Variants in RNF152 observed in about 807,000 individuals in gnomAD.
RNF152 encodes ring finger protein 152, also known as E3 ubiquitin-protein ligase RNF152.
In RNF152, 11 loss-of-function variants were observed where a neutral mutation model predicts 12.7. That is an observed-to-expected ratio of 0.86 (90% confidence interval 0.54 to 1.43). The LOEUF (loss-of-function observed/expected upper bound fraction) is 1.43. Ranked by LOEUF, RNF152 falls within the 40% of genes most tolerant of loss-of-function variation. RNF152 has a pLI of 0.00. For missense variants in RNF152, 255 were observed against 274.8 expected (o/e 0.93, Z 0.51); for synonymous variants, 113 against 120.3 (o/e 0.94, Z 0.40).
At chr18:61,848,335 A>G (rs1910826589) in intron 1 of RNF152, among the ~76,000 whole-genome samples, 1 of 152,150 alleles carries the variant, frequency 6.6e-6, no homozygotes, top group Non-Finnish European at 1.5e-5. Context: ...CAATTTTTCT[A>G]ACCATTAGTA....
upstream of RNF152, chr18:61,894,335 G>C (rs1018413921): frequency 6.6e-6 from 1 of 151,184 alleles, no homozygotes; most frequent in Non-Finnish European, 1.5e-5. This position sits in a 1 kb window ranked among gnomAD's most constrained non-coding sequence, Gnocchi z 4.9. Flanking sequence ...TGCAGCCCCA[G>C]CACCCGGCCC....
In RNF152 at chr18:61,815,686, C is replaced by CA. The variant is rs1354601638; in HGVS notation, c.*165dup. On this transcript the variant is annotated 3_prime_UTR_variant, in exon 2 of 2. Transcript: ENST00000312828. ...TTCACCTGGTATCTTGTTGAGACCG[C>CA]ACCTTCTGCCCTTTGTGTCTGTCTT... 1 of 673,752 alleles carries CA rather than the reference C, an allele frequency of 1.5e-6. No homozygotes were observed. Among genetic ancestry groups the CA allele is most frequent in the Non-Finnish European group, 2.5e-6 (1 of 397,012 alleles). 41.7% of individuals were successfully genotyped at this position (673,752 alleles called of 1,614,324 possible).
chr18:61,834,110 G>C (rs757823795), intron 1 of RNF152, among the ~76,000 whole-genome samples: 5 of 152,130 alleles, frequency 3.3e-5, no homozygotes, highest in Non-Finnish European at 5.9e-5. Flanking sequence ...TCTTATTTTT[G>C]TTACGTCCTG....
rs1909532448 is a variant in RNF152, at chr18:61,823,838, A to G, written c.-135-7240T>C. Among the ~76,000 whole-genome samples the G allele has an allele frequency of 2.0e-5, 3 of 152,200 alleles. No individual in the cohort carries two copies. The South Asian group carries it at 6.2e-4, about 32-fold the overall frequency. ...GCCCACTAGGTCAACTGTGGGCCCA[A>G]TTGGCCTGGCTGCAGCCTAGGTGCT... On this transcript the variant is annotated intron_variant, in intron 1 of 1. Transcript: ENST00000312828.
intron 1 of RNF152, among the ~76,000 whole-genome samples, chr18:61,818,148 C>A (rs181286250): frequency 2.0e-5 from 3 of 152,114 alleles, no homozygotes; most frequent in Non-Finnish European, 4.4e-5. Flanking sequence ...ACCTGGCCGG[C>A]GTGGGGGCTC....
At chr18:61,824,779 G>A (rs779312907) in intron 1 of RNF152, among the ~76,000 whole-genome samples, 7 of 152,156 alleles carry the variant, frequency 4.6e-5, no homozygotes, top group South Asian at 2.1e-4. Flanking sequence ...CAAGGTTAGC[G>A]CTGGCATTCA....
chr18:61,883,375 G>T (rs1353761338), intron 1 of RNF152, among the ~76,000 whole-genome samples: 5 of 152,118 alleles, frequency 3.3e-5, no homozygotes, highest in African/African-American at 9.7e-5. Context: ...TTATTAAACA[G>T]TTCTCTTCTT....
chr18:61,816,071 G>A lies in RNF152; in HGVS notation c.393C>T (p.Thr131=), dbSNP rs373500965. The A allele has an allele frequency of 9.7e-5, 156 of 1,614,102 alleles. No individual in the cohort carries two copies. Among genetic ancestry groups the A allele is most frequent in the Non-Finnish European group, 1.3e-4 (149 of 1,180,058 alleles). ...GCTGTTCAGCAGGGATGGTCACCACGGTGACGGACTTCTGCTGGCTCCCGG... is the reference window on the plus strand; with the variant it reads ...GCTGTTCAGCAGGGATGGTCACCACAGTGACGGACTTCTGCTGGCTCCCGG... ...LLPGSQQKSV[T]VVTIPAEQQP... is the part of the protein sequence containing the mutation. The change falls in exon 2 of 2, where the codon ACC becomes ACT. Residue 131 remains threonine (T), a synonymous_variant. Coordinates refer to ENST00000312828, the MANE Select transcript of RNF152 (RefSeq NM_173557.3).
rs151286121 is a variant in RNF152, at chr18:61,826,511, T to G, written c.-135-9913A>C. ...CCTTCCTCCCTTTCCCCTACTAAGT[T>G]AGGTATGTAATCCTTACATTCATCT... On this transcript the variant is annotated intron_variant, in intron 1 of 1. Transcript: ENST00000312828. Among the ~76,000 whole-genome samples the G allele has an allele frequency of 1.5e-3, 227 of 152,304 alleles. 1 individual carries two copies. The highest frequency in any genetic ancestry group is 4.9e-3 in the African/African-American group (205 of 41,572).
intron 1 of RNF152, among the ~76,000 whole-genome samples, chr18:61,833,236 T>G (rs2144653398): frequency 6.6e-6 from 1 of 152,346 alleles, no homozygotes; most frequent in East Asian, 1.9e-4. Flanking sequence ...TTAGCTGATG[T>G]AGGTCGCAAG....
intron 1 of RNF152, among the ~76,000 whole-genome samples, chr18:61,854,228 C>T (rs1040231951): frequency 6.6e-6 from 1 of 152,176 alleles, no homozygotes; most frequent in African/African-American, 2.4e-5. Context: ...CAAATGGAAA[C>T]TAACCAAGCC....
chr18:61,850,022 G>A (rs1428737045), intron 1 of RNF152, among the ~76,000 whole-genome samples: 4 of 152,184 alleles, frequency 2.6e-5, no homozygotes, highest in Non-Finnish European at 4.4e-5. Flanking sequence ...ACATATTGGG[G>A]TGAATTAGCC....
chr18:61,818,874 A>G (rs779783201), intron 1 of RNF152, among the ~76,000 whole-genome samples: 14 of 152,160 alleles, frequency 9.2e-5, no homozygotes, highest in Non-Finnish European at 1.9e-4. Flanking sequence ...TGCCCATAAG[A>G]AAGTCCTGGC....
chr18:61,864,124 G>A (rs1312235483), intron 1 of RNF152, among the ~76,000 whole-genome samples: 3 of 152,040 alleles, frequency 2.0e-5, no homozygotes, highest in Non-Finnish European at 2.9e-5. Flanking sequence ...AACAACAATC[G>A]GGTGTCCCAG....
Position 61,884,444 on chromosome 18 carries a change from C to CA in RNF152, c.-136+8350dup, listed in dbSNP as rs79002370. 1.7e-3 allele frequency among the ~76,000 whole-genome samples: 228 copies of CA among 137,682 alleles called. 1 individual carries two copies. The highest frequency in any genetic ancestry group is 4.5e-3 in the Admixed American group (63 of 14,002). The allele number at this position is 137,682 out of a possible 152,430, so 90.3% of individuals were successfully genotyped here. ...CTCTACCCTTTTAGCTTTGCCATTA[C>CA]AAAAAAAAAAAAAAGCAGAAAACCA... On this transcript the variant is annotated intron_variant, in intron 1 of 1. Transcript: ENST00000312828.
chr18:61,878,063 G>T (rs1380451318), intron 1 of RNF152, among the ~76,000 whole-genome samples: 1 of 152,204 alleles, frequency 6.6e-6, no homozygotes, highest in Admixed American at 6.5e-5. Flanking sequence ...AGATTAGAAA[G>T]AGAACGAGGG....
intron 1 of RNF152, among the ~76,000 whole-genome samples, chr18:61,854,917 A>T (rs12386109): frequency 0.079 from 12,065 of 152,344 alleles, 461 homozygotes; most frequent in Middle Eastern, 0.11. Flanking sequence ...AGCAAGTTAC[A>T]TGATTTTCCT....
intron 1 of RNF152, among the ~76,000 whole-genome samples, chr18:61,880,328 C>T (rs1248182952): frequency 6.6e-6 from 1 of 152,170 alleles, no homozygotes; most frequent in Admixed American, 6.5e-5. Context: ...TCCTAAATTA[C>T]GTTACACTGA....
chr18:61,860,168 T>C (rs1359464185), intron 1 of RNF152, among the ~76,000 whole-genome samples: 1 of 152,082 alleles, frequency 6.6e-6, no homozygotes, highest in Non-Finnish European at 1.5e-5. Context: ...CCCATGGGTC[T>C]CAGAAGTGCA....
Sources: gnomAD v4.1 joint callset for allele counts (sites outside exome capture counted in the v4.1 genomes callset) on GRCh38, gnomAD v4.1.1 for gene constraint, Gnocchi (gnomAD v3.1) non-coding constraint, MANE v1.5 for transcripts, NCBI Gene and HGNC (gene_info 2026-07-23, HGNC 2026-07-21) for gene names.